The following LYZL4 variants were observed in gnomAD, a reference collection of about 807,000 sequenced individuals.
The protein encoded by LYZL4 is lysozyme like 4.
A neutral mutation model predicts 17.6 loss-of-function variants in LYZL4; 13 were observed. The ratio of observed to expected loss-of-function variants is 0.74; its 90% CI spans 0.48 to 1.18. The LOEUF is 1.18. Ranked by LOEUF, LYZL4 falls within the 50% of genes most tolerant of loss-of-function variation. The pLI is 0.00. For missense variants in LYZL4, 174 were observed against 188.2 expected (o/e 0.92, Z 0.44); for synonymous variants, 64 against 67.7 (o/e 0.95, Z 0.27).
At chr3:42,372,971 C>G in the LYZL4 span, among the ~76,000 whole-genome samples, 1 of 152,058 alleles carries the variant, frequency 6.6e-6, no homozygotes, top group Non-Finnish European at 1.5e-5. Flanking sequence ...TTTTGGGAGG[C>G]TGAGGAGGGC....
intron 1 of LYZL4, among the ~76,000 whole-genome samples, chr3:42,408,372 AT>A (rs1698800282): frequency 6.6e-6 from 1 of 152,052 alleles, no homozygotes; most frequent in East Asian, 1.9e-4. Flanking sequence ...TCCCCACTCC[AT>A]TCTCCAGGGA....
downstream of LYZL4, among the ~76,000 whole-genome samples, chr3:42,392,511 G>A (rs1194246442): frequency 6.6e-6 from 1 of 152,218 alleles, no homozygotes; most frequent in Non-Finnish European, 1.5e-5. Flanking sequence ...ACAGGATTTT[G>A]TGGGATTTTT....
the LYZL4 span, among the ~76,000 whole-genome samples, chr3:42,376,871 G>A: frequency 6.6e-6 from 1 of 152,194 alleles, no homozygotes; most frequent in South Asian, 2.1e-4. Context: ...ATGTTGGCAA[G>A]GAAAGGGGAA....
At chr3:42,363,021 G>A in the LYZL4 span, among the ~76,000 whole-genome samples, 1 of 152,076 alleles carries the variant, frequency 6.6e-6, no homozygotes. Flanking sequence ...GACAAAATTT[G>A]AATCTAAAAG....
chr3:42,377,048 C>A, the LYZL4 span, among the ~76,000 whole-genome samples: 1 of 152,182 alleles, frequency 6.6e-6, no homozygotes, highest in African/African-American at 2.4e-5. Flanking sequence ...ATGCTTACTA[C>A]ACATCATGCT....
chr3:42,379,945 C>T, the LYZL4 span, among the ~76,000 whole-genome samples: 5 of 152,202 alleles, frequency 3.3e-5, no homozygotes, highest in African/African-American at 1.2e-4. Flanking sequence ...TCTCTCCTTC[C>T]TGCCATATGA....
the LYZL4 span, among the ~76,000 whole-genome samples, chr3:42,364,301 C>T: frequency 6.6e-6 from 1 of 150,926 alleles, no homozygotes; most frequent in Non-Finnish European, 1.5e-5. Flanking sequence ...TATCTGGCCC[C>T]TTTTGTTTCA....
chr3:42,386,412 C>T, the LYZL4 span, among the ~76,000 whole-genome samples: 6 of 117,008 alleles, frequency 5.1e-5, 1 homozygote, highest in South Asian at 3.2e-4. Context: ...CCCCCCCCCC[C>T]GCCTCCCTCT....
chr3:42,379,807 C>A, the LYZL4 span, among the ~76,000 whole-genome samples: 11 of 152,138 alleles, frequency 7.2e-5, no homozygotes, highest in African/African-American at 2.7e-4. Flanking sequence ...AAATCCTAAT[C>A]CTCAATGTGA....
At chr3:42,361,634 T>C in the LYZL4 span, among the ~76,000 whole-genome samples, 2 of 151,904 alleles carry the variant, frequency 1.3e-5, no homozygotes, top group South Asian at 2.1e-4. Context: ...TCAGCCTGAG[T>C]TGGGAGGGTG....
At chr3:42,389,841 C>T in the LYZL4 span, among the ~76,000 whole-genome samples, 4 of 152,160 alleles carry the variant, frequency 2.6e-5, no homozygotes, top group Admixed American at 2.6e-4. Flanking sequence ...TAGTACCTCT[C>T]TCCACTCCCT....
chr3:42,371,634 T>A, the LYZL4 span, among the ~76,000 whole-genome samples: 11 of 152,152 alleles, frequency 7.2e-5, no homozygotes, highest in Admixed American at 7.2e-4. Context: ...AACATCCAAA[T>A]GAAGCACCCA....
At chr3:42,405,959 G>A (rs1185377456) in intron 3 of LYZL4, among the ~76,000 whole-genome samples, 1 of 152,114 alleles carries the variant, frequency 6.6e-6, no homozygotes, top group African/African-American at 2.4e-5. Flanking sequence ...GCACAAGAAT[G>A]GCAACTATAT....
chr3:42,363,387 T>C, the LYZL4 span, among the ~76,000 whole-genome samples: 1 of 152,174 alleles, frequency 6.6e-6, no homozygotes, highest in Admixed American at 6.5e-5. Context: ...TCTAAGGAGA[T>C]GCATGCTGAA....
chr3:42,377,623 CTCTGTGTGTG>C, the LYZL4 span, among the ~76,000 whole-genome samples: 4 of 92,628 alleles, frequency 4.3e-5, no homozygotes, highest in South Asian at 7.8e-4. Flanking sequence ...ATGCATGACT[CTCTGTGTGTG>C]TGTGTGTGTG....
the LYZL4 span, among the ~76,000 whole-genome samples, chr3:42,371,670 A>G: frequency 1.6e-4 from 24 of 152,312 alleles, no homozygotes; most frequent in Non-Finnish European, 2.4e-4. Flanking sequence ...TCAGTTCTTA[A>G]TGTTACAGTT....
downstream of LYZL4, among the ~76,000 whole-genome samples, chr3:42,394,043 T>C (rs998430306): frequency 4.6e-5 from 7 of 152,238 alleles, no homozygotes; most frequent in African/African-American, 1.7e-4. Context: ...TCCGCTCACC[T>C]CGGCCTCCCA....
chr3:42,383,647 T>C, the LYZL4 span, among the ~76,000 whole-genome samples: 1 of 150,720 alleles, frequency 6.6e-6, no homozygotes, highest in African/African-American at 2.4e-5. Flanking sequence ...CAAAAATGTA[T>C]CATAAAAAGA....
the LYZL4 span, among the ~76,000 whole-genome samples, chr3:42,373,583 A>C: frequency 1.9e-3 from 294 of 152,222 alleles, 5 homozygotes; most frequent in East Asian, 0.05. Flanking sequence ...TTGGGGGAGA[A>C]CCTTAAGAAC....
Sources: gnomAD v4.1 joint callset for allele counts (sites outside exome capture counted in the v4.1 genomes callset) on GRCh38, gnomAD v4.1.1 for gene constraint, MANE v1.5 for transcripts, NCBI Gene and HGNC (gene_info 2026-07-23, HGNC 2026-07-21) for gene names.